CUX2: variants seen among roughly 807,000 people sequenced by gnomAD.
CUX2 encodes cut like homeobox 2.
A neutral mutation model predicts 144.8 loss-of-function variants in CUX2; 40 were observed. The observed-to-expected ratio is 0.28, with a 90% confidence interval of 0.21 to 0.36. The LOEUF (loss-of-function observed/expected upper bound fraction) is 0.36, where lower values mean the gene tolerates loss of function less well. Ranked by LOEUF, CUX2 falls within the 10% of genes least tolerant of loss-of-function variation. The pLI is 1.00. For synonymous variants in CUX2, 827 were observed against 875.6 expected (o/e 0.94, Z 0.98); for missense variants, 1,615 against 1,994.0 (o/e 0.81, Z 3.62).
At chr12:111,346,506 A>C (rs1459130633) in intron 21 of CUX2, among the ~76,000 whole-genome samples, 1 of 152,040 alleles carries the variant, frequency 6.6e-6, no homozygotes, top group Non-Finnish European at 1.5e-5. Flanking sequence ...GAAAACCGCA[A>C]AAAGTGCTTA....
At chr12:111,156,985 CAAAAAAAAAAAAA>C (rs1200398908) in intron 1 of CUX2, among the ~76,000 whole-genome samples, 6 of 18,998 alleles carry the variant, frequency 3.2e-4, no homozygotes, top group African/African-American at 1.7e-3. Context: ...AAACTTCTCT[CAAAAAAAAAAAAA>C]AAAAAAAAAA....
In CUX2 at chr12:111,160,322, T is replaced by G. The variant is rs895918229; in HGVS notation, c.64-53878T>G. 6.6e-4 allele frequency among the ~76,000 whole-genome samples: 100 copies of G among 152,094 alleles called. No homozygotes were observed. The highest frequency in any genetic ancestry group is 2.1e-4 in the Non-Finnish European group (14 of 68,012). On this transcript the variant is annotated intron_variant, in intron 1 of 21. Transcript: ENST00000261726. This position sits in a 1 kb window ranked among gnomAD's most constrained non-coding sequence, Gnocchi z 4.1. ...GCTGAGGAATCAGACCAGTCAGAGA[T>G]AGGTGTGTCTGGCCTGTGTGTGCAG...
intron 1 of CUX2, among the ~76,000 whole-genome samples, chr12:111,050,663 C>A (rs1870219395): frequency 6.6e-6 from 1 of 152,138 alleles, no homozygotes; most frequent in South Asian, 2.1e-4. Context: ...TAGATACCTC[C>A]TGCATCCCAT....
intron 1 of CUX2, among the ~76,000 whole-genome samples, chr12:111,067,963 T>C (rs73413520): frequency 0.094 from 14,238 of 152,144 alleles, 2,199 homozygotes; most frequent in African/African-American, 0.33. Flanking sequence ...TTCCACCCCC[T>C]GCCTCAGATT....
rs150010371 is a variant in CUX2, at chr12:111,035,955, CAGAG to C, written c.63+1730_63+1733del. Among the ~76,000 whole-genome samples, 9 of 150,284 alleles carry C rather than the reference CAGAG, an allele frequency of 6.0e-5. No individual in the cohort carries two copies. Among genetic ancestry groups the C allele is most frequent in the East Asian group, 2.0e-4 (1 of 5,112 alleles). On this transcript the variant is annotated intron_variant, in intron 1 of 21. Coordinates refer to ENST00000261726, the MANE Select transcript of CUX2 (RefSeq NM_015267.4). The surrounding 1 kb of genome is among the most constrained non-coding windows in gnomAD (Gnocchi z 6.0). The stretch of plus-strand genomic sequence containing the variant: ...TCTGGAAGAGTGGGGGTTATGGAGG[CAGAG>C]AGAGAGAGAGAGAGGGAGAATTGGG...
intron 18 of CUX2, 111 bp from the exon 19 acceptor site, chr12:111,334,330 G>A: frequency 8.4e-7 from 1 of 1,188,096 alleles, no homozygotes; most frequent in Non-Finnish European, 1.2e-6. Context: ...TACTACAGTG[G>A]TTGCAAAATG....
rs1435372370 is a variant in CUX2, at chr12:111,334,571, C to T, written c.3057C>T (p.Ser1019=). Residue 1019 remains serine (S), a synonymous_variant, in exon 19 of 22, where the codon TCC becomes TCT. Coordinates refer to ENST00000261726, the MANE Select transcript of CUX2 (RefSeq NM_015267.4). ...AGAACCAGCAGCCAGAGGGCCGCTCCAGCTCCTCGTTGAGCGGGAAGATGT... is the reference window on the plus strand; with the variant it reads ...AGAACCAGCAGCCAGAGGGCCGCTCTAGCTCCTCGTTGAGCGGGAAGATGT... ...SKENQQPEGR[S]SSSLSGKMYS... 33 of 1,613,964 alleles carry T rather than the reference C, an allele frequency of 2.0e-5. 1 individual carries two copies. Among genetic ancestry groups the T allele is most frequent in the Non-Finnish European group, 2.5e-5 (30 of 1,180,030 alleles).
intron 1 of CUX2, among the ~76,000 whole-genome samples, chr12:111,053,261 G>A (rs889524413): frequency 2.0e-5 from 3 of 152,120 alleles, no homozygotes; most frequent in Non-Finnish European, 2.9e-5. Flanking sequence ...CTTGCTCCCC[G>A]GTGGCTCTTG....
At chr12:111,333,065 C>T (rs1365038277) in intron 18 of CUX2, among the ~76,000 whole-genome samples, 3 of 152,018 alleles carry the variant, frequency 2.0e-5, no homozygotes, top group Admixed American at 6.6e-5. Context: ...AAAAATTAGC[C>T]GGGTGTGGTG....
At chr12:111,159,795 C>T (rs1459415574) in intron 1 of CUX2, among the ~76,000 whole-genome samples, 3 of 152,156 alleles carry the variant, frequency 2.0e-5, no homozygotes, top group African/African-American at 4.8e-5. Flanking sequence ...GAGGCCAAGG[C>T]GGGTGGATCA....
At chr12:111,120,415 C>G (rs1874575613) in intron 1 of CUX2, among the ~76,000 whole-genome samples, 1 of 152,142 alleles carries the variant, frequency 6.6e-6, no homozygotes, top group Non-Finnish European at 1.5e-5. Flanking sequence ...CCCCTTAAAA[C>G]CACAAATAGC....
chr12:111,269,890 G>A (rs944493115), intron 4 of CUX2, among the ~76,000 whole-genome samples: 2 of 152,166 alleles, frequency 1.3e-5, no homozygotes, highest in Admixed American at 6.5e-5. Context: ...AAATGCAGGG[G>A]CGGGAGAGCT....
At chr12:111,177,503 G>T (rs1301593518) in intron 1 of CUX2, among the ~76,000 whole-genome samples, 1 of 152,126 alleles carries the variant, frequency 6.6e-6, no homozygotes, top group African/African-American at 2.4e-5. Flanking sequence ...CAATTCTCCT[G>T]CCTCAGCCTC....
chr12:111,280,723 C>G (rs1885085485), intron 4 of CUX2, among the ~76,000 whole-genome samples: 1 of 152,136 alleles, frequency 6.6e-6, no homozygotes, highest in South Asian at 2.1e-4. Flanking sequence ...ATTTCCATCT[C>G]AGCGTCCATC....
At chr12:111,103,298 A>T (rs1352245399) in intron 1 of CUX2, among the ~76,000 whole-genome samples, 1 of 152,130 alleles carries the variant, frequency 6.6e-6, no homozygotes, top group African/African-American at 2.4e-5. Context: ...CGCCTGATGG[A>T]AGCATCTTCC....
chr12:111,340,211 T>C (rs1490675860), intron 20 of CUX2, among the ~76,000 whole-genome samples: 1 of 152,084 alleles, frequency 6.6e-6, no homozygotes, highest in Non-Finnish European at 1.5e-5. Context: ...AAAAAATGCA[T>C]TTTCAGAGCC....
At chr12:111,272,969 C>T (rs1483039613) in intron 4 of CUX2, among the ~76,000 whole-genome samples, 1 of 152,150 alleles carries the variant, frequency 6.6e-6, no homozygotes, top group African/African-American at 2.4e-5. Flanking sequence ...CAGTCCCTTT[C>T]AGAAGGGAGG....
intron 1 of CUX2, among the ~76,000 whole-genome samples, chr12:111,126,623 G>A (rs951233553): frequency 6.6e-6 from 1 of 152,138 alleles, no homozygotes. Context: ...GATTAGAAGA[G>A]GCCCACTCAC....
Position 111,069,053 on chromosome 12 carries a change from C to T in CUX2, c.63+34813C>T, listed in dbSNP as rs116557841. ...CCCAGGAAGGTAAGGTTGCAGTGTCCGTAGATCGCACCTCTGCATTCCAGC... is the reference window on the plus strand; with the variant it reads ...CCCAGGAAGGTAAGGTTGCAGTGTCTGTAGATCGCACCTCTGCATTCCAGC... On this transcript the variant is annotated intron_variant, in intron 1 of 21. Transcript: ENST00000261726. Among the ~76,000 whole-genome samples the T allele has an allele frequency of 6.1e-3, 921 of 151,980 alleles. 13 individuals carry two copies. Among genetic ancestry groups the T allele is most frequent in the African/African-American group, 0.021 (861 of 41,420 alleles).
Sources: gnomAD v4.1 joint callset for allele counts (sites outside exome capture counted in the v4.1 genomes callset) on GRCh38, gnomAD v4.1.1 for gene constraint, Gnocchi (gnomAD v3.1) non-coding constraint, MANE v1.5 for transcripts, NCBI Gene and HGNC (gene_info 2026-07-23, HGNC 2026-07-21) for gene names.